The following GNG2 variants were observed in gnomAD, a reference collection of about 807,000 sequenced individuals.
GNG2 encodes G protein subunit gamma 2.
A neutral mutation model predicts 5.5 loss-of-function variants in GNG2; 5 were observed. The observed-to-expected ratio is 0.91, with a 90% confidence interval of 0.48 to 1.92. GNG2 has a LOEUF of 1.92. GNG2 is among the 30% of genes most tolerant of loss of function. The pLI, the probability that GNG2 is intolerant of heterozygous loss-of-function variation, is 0.01. For missense variants in GNG2, 55 were observed against 88.4 expected (o/e 0.62, Z 1.52); for synonymous variants, 28 against 32.0 (o/e 0.88, Z 0.42).
At chr14:51,932,350 G>A (rs1237786097) in intron 2 of GNG2, among the ~76,000 whole-genome samples, 1 of 151,560 alleles carries the variant, frequency 6.6e-6, no homozygotes, top group Non-Finnish European at 1.5e-5. Flanking sequence ...GCTACAGCAT[G>A]GGTGAACCTT....
intron 3 of GNG2, among the ~76,000 whole-genome samples, chr14:51,952,443 A>G (rs35561836): frequency 0.033 from 4,988 of 152,258 alleles, 193 homozygotes; most frequent in East Asian, 0.14. Context: ...ATACCTGCTG[A>G]GAGAAGTAAG....
At chr14:51,855,179 C>T (rs772424249) in intron 2 of GNG2, among the ~76,000 whole-genome samples, 1 of 152,240 alleles carries the variant, frequency 6.6e-6, no homozygotes, top group Non-Finnish European at 1.5e-5. Flanking sequence ...CTTCGCACTA[C>T]TGGCTGTGCC....
intron 3 of GNG2, among the ~76,000 whole-genome samples, chr14:51,960,572 A>G (rs1394930658): frequency 1.3e-5 from 2 of 152,012 alleles, no homozygotes; most frequent in Non-Finnish European, 2.9e-5. Context: ...TACCTTCTTG[A>G]TCATGTGGAC....
intron 2 of GNG2, among the ~76,000 whole-genome samples, chr14:51,881,728 G>A (rs1378428509): frequency 5.0e-5 from 4 of 79,508 alleles, no homozygotes; most frequent in Non-Finnish European, 7.3e-5. Context: ...TTTTTTTAAC[G>A]TATTTAATAG....
At chr14:51,948,538 C>T (rs1034858829) in intron 2 of GNG2, among the ~76,000 whole-genome samples, 1 of 152,178 alleles carries the variant, frequency 6.6e-6, no homozygotes, top group African/African-American at 2.4e-5. Context: ...TTAGGCTACC[C>T]TTCTGAATAA....
intron 2 of GNG2, among the ~76,000 whole-genome samples, chr14:51,897,668 C>T (rs1294459102): frequency 6.6e-6 from 1 of 152,082 alleles, no homozygotes; most frequent in Non-Finnish European, 1.5e-5. Flanking sequence ...AGTAGATTAC[C>T]AAGTAGTGTA....
At chr14:51,837,267 A>G (rs1191632078) in intron 2 of GNG2, among the ~76,000 whole-genome samples, 1 of 152,258 alleles carries the variant, frequency 6.6e-6, no homozygotes, top group Non-Finnish European at 1.5e-5. Flanking sequence ...GGAGAAAAAA[A>G]GTTGGGATGA....
At chr14:51,916,332 C>T (rs1428660350) in intron 2 of GNG2, 4 of 361,414 alleles carry the variant, frequency 1.1e-5, no homozygotes, top group East Asian at 8.1e-5. Flanking sequence ...TTATTTGCCC[C>T]GTAGAGATAA....
chr14:51,906,880 C>A (rs1233782119), intron 2 of GNG2, among the ~76,000 whole-genome samples: 1 of 151,422 alleles, frequency 6.6e-6, no homozygotes. Flanking sequence ...CTCAGCCTCC[C>A]GAGTAGCTGG....
intron 2 of GNG2, among the ~76,000 whole-genome samples, chr14:51,905,962 T>G (rs1360757848): frequency 6.6e-6 from 1 of 152,258 alleles, no homozygotes; most frequent in Non-Finnish European, 1.5e-5. Context: ...AGTCATTTCC[T>G]TTATAAATTA....
intron 2 of GNG2, among the ~76,000 whole-genome samples, chr14:51,931,824 CT>C (rs1295437400): frequency 1.3e-5 from 2 of 152,170 alleles, no homozygotes; most frequent in African/African-American, 4.8e-5. Flanking sequence ...AGCAATGCCT[CT>C]TCTGGGTATG....
At chr14:51,867,315 C>CAGCA (rs1205093945) in intron 1 of GNG2, among the ~76,000 whole-genome samples, 5 of 152,160 alleles carry the variant, frequency 3.3e-5, no homozygotes, top group Non-Finnish European at 7.4e-5. Flanking sequence ...TCAGCTTGTA[C>CAGCA]AGCAAGCTGC....
At chr14:51,841,536 C>T in intron 2 of GNG2, 1 of 702,172 alleles carries the variant, frequency 1.4e-6, no homozygotes, top group Non-Finnish European at 2.6e-6. Flanking sequence ...AAAAGTCACA[C>T]AGCTAATTAA....
chr14:51,916,828 A>G (rs1201296166), intron 2 of GNG2, among the ~76,000 whole-genome samples: 1 of 152,234 alleles, frequency 6.6e-6, no homozygotes, highest in African/African-American at 2.4e-5. Flanking sequence ...ATTAAAATTC[A>G]GAGAAGAAGG....
chr14:51,912,075 G>A (rs1187716777), intron 2 of GNG2, among the ~76,000 whole-genome samples: 2 of 139,306 alleles, frequency 1.4e-5, no homozygotes, highest in African/African-American at 2.8e-5. Flanking sequence ...AGGAAATGGA[G>A]GCACACAGGT....
intron 2 of GNG2, among the ~76,000 whole-genome samples, chr14:51,893,325 C>T (rs1368642353): frequency 1.3e-5 from 2 of 152,142 alleles, no homozygotes; most frequent in Non-Finnish European, 2.9e-5. Context: ...AATTTGCATT[C>T]CCTTGAATTC....
intron 2 of GNG2, among the ~76,000 whole-genome samples, chr14:51,850,253 T>A (rs554888834): frequency 1.3e-5 from 2 of 152,210 alleles, no homozygotes; most frequent in Non-Finnish European, 2.9e-5. Context: ...TTCATATTTC[T>A]TCCTCTTAAA....
chr14:51,936,459 T>C (rs1272574936), intron 2 of GNG2, among the ~76,000 whole-genome samples: 6 of 151,656 alleles, frequency 4.0e-5, no homozygotes. Context: ...TCTGCAATCA[T>C]GGTAGCTTAG....
chr14:51,931,692 T>C (rs989972915), intron 2 of GNG2, among the ~76,000 whole-genome samples: 1 of 151,976 alleles, frequency 6.6e-6, no homozygotes, highest in Non-Finnish European at 1.5e-5. Flanking sequence ...CAGAAAAAAA[T>C]ACCAAGTATT....
Sources: allele counts gnomAD v4.1 joint callset (sites outside exome capture counted in the v4.1 genomes callset), GRCh38; gene constraint gnomAD v4.1.1; transcripts MANE v1.5; gene names NCBI Gene and HGNC (gene_info 2026-07-23, HGNC 2026-07-21).